The following BRI3 variants were observed in gnomAD, a reference collection of about 807,000 sequenced individuals.
The protein encoded by BRI3 is membrane protein BRI3.
BRI3 carries 6 observed loss-of-function variants against 12.8 expected under a neutral mutation model. The ratio of observed to expected loss-of-function variants is 0.47; its 90% CI spans 0.26 to 0.93. The LOEUF is 0.93. Ranked by LOEUF, BRI3 falls within the 40% of genes least tolerant of loss-of-function variation. The probability of loss-of-function intolerance (pLI) is 0.15; values close to 1 mark genes in which losing one functional copy is unlikely to be tolerated. For missense variants in BRI3, 134 were observed against 171.1 expected (o/e 0.78, Z 1.21); for synonymous variants, 91 against 76.1 (o/e 1.20, Z -1.02).
chr7:98,306,677 C>G (rs1800669184), intron 1 of BRI3: 1 of 1,011,386 alleles, frequency 9.9e-7, no homozygotes, highest in Admixed American at 2.6e-5. Flanking sequence ...TAAATATGGA[C>G]TTTCACATAC....
chr7:98,315,607 C>T, the BRI3 span: 4 of 1,333,912 alleles, frequency 3.0e-6, no homozygotes, highest in East Asian at 2.7e-5. Context: ...TAACGGTCTC[C>T]ACATACTAAA....
In BRI3 at chr7:98,281,756, A is replaced by T; in HGVS notation, c.-40A>T. The T allele has an allele frequency of 1.0e-6, 1 of 991,186 alleles. No individual in the cohort carries two copies. The highest frequency in any genetic ancestry group is 1.2e-6 in the Non-Finnish European group (1 of 829,980). 61.4% of individuals were successfully genotyped at this position (991,186 alleles called of 1,614,324 possible). On this transcript the variant is annotated 5_prime_UTR_variant, in exon 1 of 3. Coordinates refer to ENST00000297290, the MANE Select transcript of BRI3 (RefSeq NM_015379.5). ...CCGCGTCCCCCGCCGGGGCCGACCG[A>T]GCCGAGCCGGGCCGGAGCGGCGGGC...
the BRI3 span, chr7:98,320,389 G>C: frequency 1.0e-6 from 1 of 973,800 alleles, no homozygotes; most frequent in African/African-American, 1.6e-5. Context: ...AGGCTGGAGT[G>C]CAAAGGCACG....
At chr7:98,317,145 A>T in the BRI3 span, 1 of 1,593,678 alleles carries the variant, frequency 6.3e-7, no homozygotes, top group South Asian at 1.1e-5. Flanking sequence ...GAGCCACCGC[A>T]CCCGGCTAAC....
intron 1 of BRI3, chr7:98,307,458 G>A (rs2116857942): frequency 7.2e-7 from 1 of 1,398,428 alleles, no homozygotes; most frequent in South Asian, 1.5e-5. Flanking sequence ...TTTCAGACAG[G>A]TGACTTCATA....
chr7:98,293,732 C>CG, downstream of BRI3: 2 of 806,804 alleles, frequency 2.5e-6, no homozygotes, highest in South Asian at 1.6e-5. Flanking sequence ...GTCCCAGCAG[C>CG]GTTTTCTGAG....
intron 2 of BRI3, among the ~76,000 whole-genome samples, chr7:98,290,044 A>G (rs1799851422): frequency 6.6e-6 from 1 of 152,046 alleles, no homozygotes; most frequent in Non-Finnish European, 1.5e-5. Flanking sequence ...TCTCCCATTA[A>G]CCCACCCCCG....
intron 2 of BRI3, 119 bp downstream of exon 2, chr7:98,282,572 A>G: frequency 1.2e-6 from 1 of 805,046 alleles, no homozygotes. Flanking sequence ...GATCTTGACC[A>G]GAGCCCTTTA....
the BRI3 span, among the ~76,000 whole-genome samples, chr7:98,319,211 ACT>A: frequency 6.6e-6 from 1 of 152,026 alleles, no homozygotes; most frequent in Non-Finnish European, 1.5e-5. Context: ...AAAGTTAAGT[ACT>A]CTATAGAGCA....
At chr7:98,296,565 G>C (rs1054684580), downstream of BRI3, among the ~76,000 whole-genome samples, 1 of 152,118 alleles carries the variant, frequency 6.6e-6, no homozygotes, top group African/African-American at 2.4e-5. Flanking sequence ...CAGAGGTTGT[G>C]GTGAGCTGAG....
chr7:98,291,609 G>A, downstream of BRI3: 1 of 843,484 alleles, frequency 1.2e-6, no homozygotes, highest in Non-Finnish European at 1.5e-6. Context: ...GGCCAGTCCT[G>A]ACCACAGTTG....
chr7:98,306,483 C>T (rs1290328111), upstream of BRI3: 1 of 1,614,166 alleles, frequency 6.2e-7, no homozygotes, highest in Non-Finnish European at 8.5e-7. Flanking sequence ...TTTCTTCCAG[C>T]AACTTCGTGT....
Position 98,291,351 on chromosome 7 carries a change from G to C in BRI3, c.*108G>C. Reference sequence around the variant, plus strand: ...GCTTCAGGACTGTTTTGTAAAGCGAGGTGGGACCGATGTGGCACACGCCAG... The same window carrying C: ...GCTTCAGGACTGTTTTGTAAAGCGACGTGGGACCGATGTGGCACACGCCAG... On this transcript the variant is annotated 3_prime_UTR_variant, in exon 3 of 3. Transcript: ENST00000297290. 6.5e-7 allele frequency: 1 copy of C among 1,532,952 alleles called. No homozygotes were observed. The highest frequency in any genetic ancestry group is 8.8e-7 in the Non-Finnish European group (1 of 1,138,834). 95.0% of individuals were successfully genotyped at this position (1,532,952 alleles called of 1,614,324 possible).
At chr7:98,319,937 A>G in the BRI3 span, 1 of 801,468 alleles carries the variant, frequency 1.2e-6, no homozygotes, top group South Asian at 1.7e-5. Context: ...GCATCTGGGC[A>G]TCATCAACAC....
In BRI3 at chr7:98,281,831, C is replaced by T. The variant is rs755033596; in HGVS notation, c.36C>T (p.Pro12=). Residue 12 remains proline, a synonymous_variant, in exon 1 of 3, where the codon CCC becomes CCT. Coordinates refer to ENST00000297290, the MANE Select transcript of BRI3 (RefSeq NM_015379.5). ...DHKPLLQERP[P]AYNLEAGQGD... ...AGCCGCTGCTGCAGGAGCGGCCGCC[C>T]GCCTACAACCTGGAGGCCGGCCAGG... 2.3e-5 allele frequency: 29 copies of T among 1,270,922 alleles called. No homozygotes were observed. The highest frequency in any genetic ancestry group is 2.8e-5 in the Non-Finnish European group (28 of 1,005,928). 78.7% of individuals were successfully genotyped at this position (1,270,922 alleles called of 1,614,324 possible).
chr7:98,305,446 C>A (rs1179839430), upstream of BRI3, among the ~76,000 whole-genome samples: 1 of 152,130 alleles, frequency 6.6e-6, no homozygotes, highest in East Asian at 1.9e-4. Context: ...CAGCATCAGA[C>A]CCTGGGGAAT....
At chr7:98,320,943 A>G in the BRI3 span, among the ~76,000 whole-genome samples, 34 of 152,048 alleles carry the variant, frequency 2.2e-4, no homozygotes, top group African/African-American at 8.0e-4. Flanking sequence ...TGCAGCCTCC[A>G]CCTCCTGGGT....
chr7:98,307,114 TTTTA>T (rs1800688821), intron 1 of BRI3: 1 of 158,658 alleles, frequency 6.3e-6, no homozygotes. Flanking sequence ...CAAATGCTAA[TTTTA>T]TTTATTTTTT....
downstream of BRI3, chr7:98,293,454 G>C: frequency 1.4e-6 from 2 of 1,452,510 alleles, no homozygotes; most frequent in South Asian, 2.3e-5. Context: ...GCACGTGGCA[G>C]ACAGGATGCG....
Sources: allele counts gnomAD v4.1 joint callset (sites outside exome capture counted in the v4.1 genomes callset), GRCh38; gene constraint gnomAD v4.1.1; transcripts MANE v1.5; gene names NCBI Gene and HGNC (gene_info 2026-07-23, HGNC 2026-07-21).